Variants in CCDC148 observed in about 807,000 individuals in gnomAD.
The protein encoded by CCDC148 is coiled-coil domain containing 148, also known as coiled-coil domain-containing protein 148.
In CCDC148, 89 loss-of-function variants were observed where a neutral mutation model predicts 85.7. The ratio of observed to expected loss-of-function variants is 1.04; its 90% CI spans 0.87 to 1.24. The LOEUF (loss-of-function observed/expected upper bound fraction) is 1.24, where lower values mean the gene tolerates loss of function less well. Among genes scored for constraint, CCDC148 ranks in the 50% most tolerant of loss-of-function variants. CCDC148 has a pLI of 0.00. For missense variants in CCDC148, 692 were observed against 671.7 expected (o/e 1.03, Z -0.33); for synonymous variants, 230 against 213.9 (o/e 1.08, Z -0.66).
chr2:158,392,298 T>A (rs1685346308), intron 1 of CCDC148, among the ~76,000 whole-genome samples: 1 of 152,158 alleles, frequency 6.6e-6, no homozygotes, highest in Non-Finnish European at 1.5e-5. Context: ...CTCTGGGCAT[T>A]CATCTCTAAA....
intron 1 of CCDC148, chr2:158,366,144 C>T (rs1252366600): frequency 4.3e-6 from 5 of 1,170,276 alleles, no homozygotes; most frequent in Admixed American, 2.7e-5. Context: ...AGCTGTGTTA[C>T]TTGAAGTATT....
chr2:158,287,523 C>T (rs1379394963), intron 9 of CCDC148, among the ~76,000 whole-genome samples: 1 of 151,998 alleles, frequency 6.6e-6, no homozygotes, highest in Non-Finnish European at 1.5e-5. Flanking sequence ...AACAAAGGGG[C>T]TACAGGCCCC....
chr2:158,344,669 T>A (rs1326863665), intron 3 of CCDC148, among the ~76,000 whole-genome samples: 1 of 152,086 alleles, frequency 6.6e-6, no homozygotes, highest in Admixed American at 6.6e-5. Context: ...ATTTTATCTT[T>A]ACGTGACAGC....
intron 10 of CCDC148, among the ~76,000 whole-genome samples, chr2:158,223,447 CT>C (rs1687308479): frequency 6.6e-6 from 1 of 152,204 alleles, no homozygotes. Context: ...TTAAATGTCC[CT>C]GTCTGACAGC....
chr2:158,394,213 C>T (rs2105299583), intron 1 of CCDC148, among the ~76,000 whole-genome samples: 1 of 152,166 alleles, frequency 6.6e-6, no homozygotes, highest in East Asian at 1.9e-4. Context: ...ATATATTCTT[C>T]TACTCCTAGA....
At chr2:158,235,123 TAAATA>T (rs1405886137) in intron 10 of CCDC148, among the ~76,000 whole-genome samples, 1 of 152,144 alleles carries the variant, frequency 6.6e-6, no homozygotes, top group East Asian at 1.9e-4. Flanking sequence ...CCCTAAACTT[TAAATA>T]AAAGTTAAAA....
chr2:158,428,323 T>G (rs1687169982), intron 1 of CCDC148, among the ~76,000 whole-genome samples: 1 of 152,102 alleles, frequency 6.6e-6, no homozygotes, highest in Admixed American at 6.6e-5. Flanking sequence ...GGTCAGGGAT[T>G]GCACGGAATA....
chr2:158,399,816 G>C (rs1685695374), intron 1 of CCDC148, among the ~76,000 whole-genome samples: 1 of 152,086 alleles, frequency 6.6e-6, no homozygotes, highest in Non-Finnish European at 1.5e-5. Flanking sequence ...ATTCGATTAG[G>C]AAAAGAGGAA....
At chr2:158,221,335 T>C (rs908775460) in intron 10 of CCDC148, among the ~76,000 whole-genome samples, 1 of 152,150 alleles carries the variant, frequency 6.6e-6, no homozygotes, top group African/African-American at 2.4e-5. Flanking sequence ...TAGGCCTGTT[T>C]TACTTCCCTT....
At chr2:158,337,960 A>C (rs2105239828) in intron 7 of CCDC148, among the ~76,000 whole-genome samples, 1 of 152,258 alleles carries the variant, frequency 6.6e-6, no homozygotes, top group South Asian at 2.1e-4. Flanking sequence ...TTTACTATAA[A>C]TGTGTCCCTT....
chr2:158,404,856 A>C (rs1198805036), intron 1 of CCDC148, among the ~76,000 whole-genome samples: 1 of 152,176 alleles, frequency 6.6e-6, no homozygotes, highest in African/African-American at 2.4e-5. Flanking sequence ...ATCCATTCTG[A>C]AAACTTATAA....
intron 1 of CCDC148, among the ~76,000 whole-genome samples, chr2:158,427,524 G>T (rs746038735): frequency 2.0e-5 from 3 of 152,058 alleles, no homozygotes; most frequent in Non-Finnish European, 4.4e-5. Flanking sequence ...TGATTTAAAG[G>T]TAGGAAAGGA....
At chr2:158,302,780 A>T (rs534196362) in intron 9 of CCDC148, among the ~76,000 whole-genome samples, 1,665 of 49,252 alleles carry the variant, frequency 0.034, 25 homozygotes, top group African/African-American at 0.091. Context: ...GAGACTCCAT[A>T]AAAAAAAAAA....
chr2:158,342,395 C>T (rs1278748616), intron 3 of CCDC148, among the ~76,000 whole-genome samples: 1 of 152,062 alleles, frequency 6.6e-6, no homozygotes, highest in Non-Finnish European at 1.5e-5. Flanking sequence ...ACCTCACTGT[C>T]TATTTTTCCA....
intron 10 of CCDC148, among the ~76,000 whole-genome samples, chr2:158,228,914 C>T (rs1687705780): frequency 6.7e-6 from 1 of 149,492 alleles, no homozygotes; most frequent in African/African-American, 2.5e-5. Flanking sequence ...ACATATGTAA[C>T]TAACCTGCAC....
chr2:158,335,600 C>T (rs1682334538), intron 7 of CCDC148, among the ~76,000 whole-genome samples: 1 of 152,054 alleles, frequency 6.6e-6, no homozygotes, highest in Admixed American at 6.6e-5. Flanking sequence ...GTGGGGAACT[C>T]TCATTTATAA....
chr2:158,449,948 G>A (rs1429075521), intron 1 of CCDC148, among the ~76,000 whole-genome samples: 1 of 151,010 alleles, frequency 6.6e-6, no homozygotes, highest in Non-Finnish European at 1.5e-5. Context: ...AATCGGTGTT[G>A]TATCTTGTCA....
intron 1 of CCDC148, among the ~76,000 whole-genome samples, chr2:158,448,442 G>A (rs1415171406): frequency 6.6e-6 from 1 of 151,366 alleles, no homozygotes; most frequent in Non-Finnish European, 1.5e-5. Flanking sequence ...TGACTTCCTG[G>A]GCTCCAGCCA....
chr2:158,227,823 C>T (rs1574446902), intron 10 of CCDC148, among the ~76,000 whole-genome samples: 1 of 152,280 alleles, frequency 6.6e-6, no homozygotes, highest in East Asian at 1.9e-4. Flanking sequence ...TGATTAAAGA[C>T]TTAAATGTTA....
Sources: gnomAD v4.1 joint callset for allele counts (sites outside exome capture counted in the v4.1 genomes callset) on GRCh38, gnomAD v4.1.1 for gene constraint, MANE v1.5 for transcripts, NCBI Gene and HGNC (gene_info 2026-07-23, HGNC 2026-07-21) for gene names.